WDPCP: variants seen among roughly 807,000 people sequenced by gnomAD.
WDPCP encodes WD repeat containing planar cell polarity effector.
In WDPCP, 71 loss-of-function variants were observed where a neutral mutation model predicts 93.1. The observed-to-expected ratio is 0.76, with a 90% CI of 0.63 to 0.93. WDPCP has a LOEUF of 0.93. Ranked by LOEUF, WDPCP falls within the 40% of genes least tolerant of loss-of-function variation. The pLI, the probability that WDPCP is intolerant of heterozygous loss-of-function variation, is 0.00. For synonymous variants in WDPCP, 315 were observed against 315.0 expected, an observed-to-expected ratio of 1.00 and a Z score of 0.00; for missense variants, 844 against 887.4, an observed-to-expected ratio of 0.95 and a Z score of 0.62.
intron 13 of WDPCP, among the ~76,000 whole-genome samples, chr2:63,275,578 G>C (rs1180417698): frequency 2.0e-5 from 3 of 152,062 alleles, no homozygotes. Context: ...ATAAATATCA[G>C]AGTTTCTATA....
intron 12 of WDPCP, among the ~76,000 whole-genome samples, chr2:63,346,846 T>C (rs1435853507): frequency 6.6e-6 from 1 of 152,214 alleles, no homozygotes; most frequent in Admixed American, 6.5e-5. Flanking sequence ...AAAGTGCCTC[T>C]CATCATAAAA....
At chr2:63,174,341 T>C (rs1371542552) in intron 15 of WDPCP, among the ~76,000 whole-genome samples, 2 of 152,082 alleles carry the variant, frequency 1.3e-5, no homozygotes, top group East Asian at 1.9e-4. Context: ...TAAATTATAA[T>C]TCAAACTACA....
At chr2:63,338,314 C>A (rs28874415) in intron 12 of WDPCP, among the ~76,000 whole-genome samples, 3 of 151,700 alleles carry the variant, frequency 2.0e-5, no homozygotes, top group African/African-American at 7.3e-5. Context: ...GAGGCCAAGG[C>A]GGGTGGATCA....
chr2:63,493,010 T>C (rs1470391966), intron 1 of WDPCP, 70 bp from the exon 2 acceptor site: 5 of 1,277,038 alleles, frequency 3.9e-6, no homozygotes, highest in South Asian at 1.2e-5. Context: ...CAAGATACCT[T>C]AGAAATAGTA....
At chr2:63,637,419 A>AG (rs1467969282) in intron 3 of WDPCP, among the ~76,000 whole-genome samples, 1 of 82,136 alleles carries the variant, frequency 1.2e-5, no homozygotes, top group African/African-American at 5.3e-5. Context: ...TGGCTACAAC[A>AG]GAAAAAAAAA....
intron 14 of WDPCP, among the ~76,000 whole-genome samples, chr2:63,192,602 A>G (rs775951249): frequency 1.4e-4 from 21 of 152,246 alleles, no homozygotes; most frequent in Non-Finnish European, 2.8e-4. Flanking sequence ...ACCAATATCT[A>G]TTAAGTGGCA....
intron 1 of WDPCP, among the ~76,000 whole-genome samples, chr2:63,585,840 T>C (rs1044380955): frequency 1.3e-5 from 2 of 148,254 alleles, no homozygotes; most frequent in South Asian, 2.1e-4. Flanking sequence ...ATTTTCTTTT[T>C]TTTTTTTTTT....
chr2:63,235,514 T>G (rs754887119), intron 14 of WDPCP, among the ~76,000 whole-genome samples: 2 of 152,040 alleles, frequency 1.3e-5, no homozygotes, highest in Non-Finnish European at 1.5e-5. Flanking sequence ...CAGAACCACC[T>G]TGATACCAAC....
chr2:63,439,668 A>C (rs1316450462), intron 7 of WDPCP, 89 bp downstream of exon 7: 1 of 1,136,130 alleles, frequency 8.8e-7, no homozygotes, highest in Non-Finnish European at 1.3e-6. Flanking sequence ...GCAAGTCCCC[A>C]GTGGTAATAA....
chr2:63,491,200 C>A (rs931445976), intron 2 of WDPCP, among the ~76,000 whole-genome samples: 10 of 152,114 alleles, frequency 6.6e-5, no homozygotes, highest in African/African-American at 1.9e-4. Context: ...CCTTAGGTCT[C>A]TGTTGTACTT....
At chr2:63,399,213 G>C (rs1202300494) in intron 10 of WDPCP, among the ~76,000 whole-genome samples, 1 of 152,060 alleles carries the variant, frequency 6.6e-6, no homozygotes, top group African/African-American at 2.4e-5. Flanking sequence ...AGTTGCAAAA[G>C]TTATCACCTT....
intron 2 of WDPCP, among the ~76,000 whole-genome samples, chr2:63,725,941 G>C (rs1202623768): frequency 6.6e-6 from 1 of 152,010 alleles, no homozygotes; most frequent in Non-Finnish European, 1.5e-5. Context: ...CTGGATATTA[G>C]ACCTTTGCTG....
intron 2 of WDPCP, among the ~76,000 whole-genome samples, chr2:63,683,473 TATC>T (rs1668753794): frequency 6.6e-6 from 1 of 152,106 alleles, no homozygotes; most frequent in East Asian, 1.9e-4. Flanking sequence ...ATATTTAAAA[TATC>T]ATATTATGAT....
In WDPCP at chr2:63,778,352, C is replaced by T. The variant is rs141460082; in HGVS notation, n.308+35270G>A. Among the ~76,000 whole-genome samples the T allele has an allele frequency of 1.8e-3, 267 of 152,174 alleles. 1 individual carries two copies. Among genetic ancestry groups the T allele is most frequent in the African/African-American group, 6.0e-3 (248 of 41,540 alleles). ...CCTCCCAAGTAGCTGGGATTACAGGCGCCTGCCACTGCACCTGGCTAATTT... is the reference window on the plus strand; with the variant it reads ...CCTCCCAAGTAGCTGGGATTACAGGTGCCTGCCACTGCACCTGGCTAATTT... On this transcript the variant is annotated intron_variant and non_coding_transcript_variant, in intron 2 of 4. Coordinates refer to the WDPCP transcript ENST00000467687.
chr2:63,322,501 C>A (rs536435590), intron 12 of WDPCP, among the ~76,000 whole-genome samples: 5 of 152,218 alleles, frequency 3.3e-5, no homozygotes, highest in African/African-American at 1.2e-4. Context: ...TCAGTGAGAC[C>A]ATGAACCCAC....
chr2:63,150,760 A>G (rs368573699), intron 17 of WDPCP, among the ~76,000 whole-genome samples: 3 of 152,214 alleles, frequency 2.0e-5, no homozygotes, highest in Admixed American at 6.5e-5. Flanking sequence ...AATATATTCA[A>G]TTGGTTGAGA....
chr2:63,215,228 A>T (rs1677210469), intron 14 of WDPCP, among the ~76,000 whole-genome samples: 1 of 152,214 alleles, frequency 6.6e-6, no homozygotes, highest in African/African-American at 2.4e-5. Context: ...AAACTACACT[A>T]CAAGGCTACA....
chr2:63,383,951 A>G (rs1575288389), intron 10 of WDPCP, among the ~76,000 whole-genome samples: 1 of 152,204 alleles, frequency 6.6e-6, no homozygotes, highest in African/African-American at 2.4e-5. Context: ...ATGAAGCTAC[A>G]TACATTTAAA....
intron 6 of WDPCP, among the ~76,000 whole-genome samples, chr2:63,454,176 T>TA (rs1698468929): frequency 6.6e-6 from 1 of 150,980 alleles, no homozygotes; most frequent in Admixed American, 6.6e-5. Flanking sequence ...TATGCAGCCA[T>TA]AAAAAAGGAG....
Sources: allele counts gnomAD v4.1 joint callset (sites outside exome capture counted in the v4.1 genomes callset), GRCh38; gene constraint gnomAD v4.1.1; transcripts MANE v1.5; gene names NCBI Gene and HGNC (gene_info 2026-07-23, HGNC 2026-07-21).